Variants in BCAS3 observed in about 807,000 individuals in gnomAD.
The protein encoded by BCAS3 is BCAS3 microtubule associated cell migration factor, also known as BCAS4/BCAS3 fusion.
Under a neutral mutation model 116.1 loss-of-function variants are expected in BCAS3, and 53 were observed. That is an observed-to-expected ratio of 0.46 (90% CI 0.37 to 0.57). BCAS3 has a LOEUF of 0.57. Ranked by LOEUF, BCAS3 falls within the 20% of genes least tolerant of loss-of-function variation. BCAS3 has a pLI of 0.00. For missense variants in BCAS3, 917 were observed against 1,165.4 expected, an observed-to-expected ratio of 0.79 and a Z score of 3.10; for synonymous variants, 391 against 408.2, an observed-to-expected ratio of 0.96 and a Z score of 0.51.
intron 6 of BCAS3, among the ~76,000 whole-genome samples, chr17:60,774,685 A>G (rs1006927244): frequency 5.3e-5 from 8 of 152,188 alleles, no homozygotes; most frequent in African/African-American, 2.4e-5. Flanking sequence ...GTCTGTAGAC[A>G]TTTTCTTAAG....
At chr17:60,970,719 A>G (rs1304860232) in intron 14 of BCAS3, among the ~76,000 whole-genome samples, 2 of 152,216 alleles carry the variant, frequency 1.3e-5, no homozygotes, top group Non-Finnish European at 2.9e-5. Flanking sequence ...AATAAAATAA[A>G]TGTATGCATC....
chr17:60,922,566 A>G (rs1483812802), intron 12 of BCAS3, among the ~76,000 whole-genome samples: 1 of 152,224 alleles, frequency 6.6e-6, no homozygotes, highest in Admixed American at 6.5e-5. Flanking sequence ...TGATAGAACA[A>G]CTAGATAGAA....
intron 21 of BCAS3, among the ~76,000 whole-genome samples, chr17:61,080,541 G>A (rs1243947121): frequency 3.3e-5 from 5 of 151,866 alleles, no homozygotes; most frequent in Admixed American, 6.6e-5. Flanking sequence ...TCAGGAGTTC[G>A]AGACCAGCCT....
rs1365619961 is a variant in BCAS3, at chr17:61,145,149, G to A, written c.2425+60585G>A. On this transcript the variant is annotated intron_variant, in intron 22 of 23. Coordinates refer to ENST00000407086, the MANE Select transcript of BCAS3 (RefSeq NM_017679.5). The surrounding 1 kb of genome is among the most constrained non-coding windows in gnomAD (Gnocchi z 5.0). Reference sequence around the variant, plus strand: ...TTTAATTTTTCCTTCATTCTGACTCGGAAATGGCAGCATTTTTCAAAGCTT... The same window carrying A: ...TTTAATTTTTCCTTCATTCTGACTCAGAAATGGCAGCATTTTTCAAAGCTT... 6.6e-6 allele frequency among the ~76,000 whole-genome samples: 1 copy of A among 152,122 alleles called. No individual in the cohort carries two copies. The highest frequency in any genetic ancestry group is 6.5e-5 in the Admixed American group (1 of 15,270).
chr17:60,931,058 A>AT (rs1333142953), intron 13 of BCAS3, among the ~76,000 whole-genome samples: 1 of 151,388 alleles, frequency 6.6e-6, no homozygotes, highest in Admixed American at 6.6e-5. Context: ...TTTTTTTTCA[A>AT]TTTTTTAATT....
intron 22 of BCAS3, among the ~76,000 whole-genome samples, chr17:61,318,112 G>C (rs1190511685): frequency 6.6e-6 from 1 of 152,182 alleles, no homozygotes; most frequent in Non-Finnish European, 1.5e-5. Context: ...CCGCTCCTCG[G>C]CTCCTCCCCG....
Position 61,189,118 on chromosome 17 carries a change from A to C in BCAS3, c.2425+104554A>C, listed in dbSNP as rs1487080254. ...ACCCTGCCTGAAAACAAAACAAAACAAAAAAAGAGAGAGAGAGAGAGAACA... is the reference window on the plus strand; with the variant it reads ...ACCCTGCCTGAAAACAAAACAAAACCAAAAAAGAGAGAGAGAGAGAGAACA... On this transcript the variant is annotated intron_variant, in intron 22 of 23. Coordinates refer to ENST00000407086, the MANE Select transcript of BCAS3 (RefSeq NM_017679.5). The surrounding 1 kb of genome is among the most constrained non-coding windows in gnomAD (Gnocchi z 4.5). 6.6e-6 allele frequency among the ~76,000 whole-genome samples: 1 copy of C among 152,084 alleles called. No homozygotes were observed. Among genetic ancestry groups the C allele is most frequent in the Non-Finnish European group, 1.5e-5 (1 of 68,012 alleles).
In BCAS3 at chr17:61,354,864, C is replaced by T. The variant is rs2058059752; in HGVS notation, c.2426-13463C>T. 6.6e-6 allele frequency: 1 copy of T among 152,278 alleles called. No homozygotes were observed. Among genetic ancestry groups the T allele is most frequent in the Non-Finnish European group, 1.5e-5 (1 of 68,072 alleles). 9.4% of individuals were successfully genotyped at this position (152,278 alleles called of 1,614,324 possible). On this transcript the variant is annotated intron_variant, in intron 22 of 23. Transcript: ENST00000407086. This position sits in a 1 kb window ranked among gnomAD's most constrained non-coding sequence, Gnocchi z 4.5. ...ACAAAGCTAAAAATGGGTCAGGTAT[C>T]AAACGGGTCAACTCCAGTACCGGCA...
chr17:60,991,472 G>A (rs1011619838), intron 15 of BCAS3, among the ~76,000 whole-genome samples: 8 of 152,264 alleles, frequency 5.3e-5, no homozygotes, highest in East Asian at 1.9e-4. Context: ...TGGTTGTACC[G>A]TTTCATTCTC....
At chr17:61,353,905 G>C (rs9904048) in intron 22 of BCAS3, 138,430 of 152,270 alleles carry the variant, frequency 0.91, 63,127 homozygotes, top group East Asian at 1. Flanking sequence ...GTGATAAATT[G>C]TAGTAACGCC....
chr17:60,719,543 C>G (rs1357996754), intron 5 of BCAS3, among the ~76,000 whole-genome samples: 1 of 152,154 alleles, frequency 6.6e-6, no homozygotes, highest in Non-Finnish European at 1.5e-5. Flanking sequence ...TGATTATTAA[C>G]ATTCATTTTA....
chr17:61,202,418 T>C (rs1175242014), intron 22 of BCAS3, among the ~76,000 whole-genome samples: 1 of 152,164 alleles, frequency 6.6e-6, no homozygotes, highest in Non-Finnish European at 1.5e-5. Flanking sequence ...TCAATGCCCA[T>C]GCTTTTCTTA....
chr17:60,932,966 G>A (rs1175665738), intron 13 of BCAS3, among the ~76,000 whole-genome samples: 1 of 151,984 alleles, frequency 6.6e-6, no homozygotes, highest in Non-Finnish European at 1.5e-5. Context: ...CTTGAGGTTG[G>A]GAGTTCGAGA....
At chr17:61,054,224 AC>A (rs1207375423) in intron 19 of BCAS3, among the ~76,000 whole-genome samples, 4 of 152,242 alleles carry the variant, frequency 2.6e-5, no homozygotes, top group African/African-American at 7.2e-5. Flanking sequence ...AGATGTTTCA[AC>A]ATTAAAAGTT....
chr17:61,068,071 C>T lies in BCAS3; in HGVS notation c.2030-6849C>T, dbSNP rs1196334674. On this transcript the variant is annotated intron_variant, in intron 19 of 23. Coordinates refer to ENST00000407086, the MANE Select transcript of BCAS3 (RefSeq NM_017679.5). The surrounding 1 kb of genome is among the most constrained non-coding windows in gnomAD (Gnocchi z 4.3). ...TGTTTGAAAATTACTGTACTAAGAA[C>T]ATGGCTAGATTTATATCCTTGTACC... is the stretch of plus-strand genomic sequence containing the variant. Among the ~76,000 whole-genome samples the T allele has an allele frequency of 6.6e-6, 1 of 152,114 alleles. No individual in the cohort carries two copies. The highest frequency in any genetic ancestry group is 1.5e-5 in the Non-Finnish European group (1 of 68,022).
At chr17:60,683,846 C>G in intron 2 of BCAS3, 136 bp from the exon 3 acceptor site, 1 of 770,166 alleles carries the variant, frequency 1.3e-6, no homozygotes, top group African/African-American at 1.8e-5. Flanking sequence ...CAAAACAAAA[C>G]AAAACAAACA....
chr17:61,251,005 C>A lies in BCAS3; in HGVS notation c.2426-117322C>A, dbSNP rs2144546058. ...GGGAGACCAGTGTCTAATTCTACTA[C>A]TTCCTCCTCCCCAAGAATTCAGATG... On this transcript the variant is annotated intron_variant, in intron 22 of 23. Transcript: ENST00000407086. The surrounding 1 kb of genome is among the most constrained non-coding windows in gnomAD (Gnocchi z 4.7). Among the ~76,000 whole-genome samples, 1 of 152,344 alleles carries A rather than the reference C, an allele frequency of 6.6e-6. No individual in the cohort carries two copies. The highest frequency in any genetic ancestry group is 2.1e-4 in the South Asian group (1 of 4,832).
chr17:61,311,978 G>A (rs948862716), intron 22 of BCAS3, among the ~76,000 whole-genome samples: 2 of 152,216 alleles, frequency 1.3e-5, no homozygotes, highest in African/African-American at 4.8e-5. Flanking sequence ...TGTGAGGTAA[G>A]TAGGTCATGC....
chr17:61,120,542 A>G (rs2075732597), intron 22 of BCAS3, among the ~76,000 whole-genome samples: 1 of 152,116 alleles, frequency 6.6e-6, no homozygotes, highest in South Asian at 2.1e-4. Flanking sequence ...ATGCAGATAT[A>G]GAGTGAATAG....
Sources: allele counts gnomAD v4.1 joint callset (sites outside exome capture counted in the v4.1 genomes callset), GRCh38; gene constraint gnomAD v4.1.1; non-coding constraint Gnocchi (gnomAD v3.1); transcripts MANE v1.5; gene names NCBI Gene and HGNC (gene_info 2026-07-23, HGNC 2026-07-21).